The following ACOT11 variants were observed in gnomAD, a reference collection of about 807,000 sequenced individuals.
ACOT11 encodes the protein acyl-CoA thioesterase 11, also known as acyl-coenzyme A thioesterase 11.
A neutral mutation model predicts 77.5 loss-of-function variants in ACOT11; 69 were observed. The observed-to-expected ratio is 0.89, with a 90% CI of 0.73 to 1.09. The LOEUF is 1.09. Among genes scored for constraint, ACOT11 ranks in the 50% least tolerant of loss-of-function variants. The pLI is 0.00. For missense variants in ACOT11, 766 were observed against 813.7 expected, an observed-to-expected ratio of 0.94 and a Z score of 0.71; for synonymous variants, 279 against 313.0, an observed-to-expected ratio of 0.89 and a Z score of 1.15.
chr1:54,548,338 G>T lies in ACOT11; in HGVS notation c.29G>T (p.Arg10Leu), dbSNP rs1402807006. 1 of 1,602,120 alleles carries T rather than the reference G, an allele frequency of 6.2e-7. No homozygotes were observed. MIQNVGNHL[R>L]RGLASVFSNR... ...ATCCAGAATGTCGGAAATCACCTGC[G>T]ACGGGTATGGAGGGTGGGCTGGGGC... Residue 10 changes from arginine (R) to leucine (L), a missense_variant, in exon 1 of 16, where the codon CGA (arginine) becomes CTA (leucine). Arg to Leu is a moderately radical substitution (Grantham distance 102, BLOSUM62 -2). Transcript: ENST00000343744.
intron 3 of ACOT11, among the ~76,000 whole-genome samples, chr1:54,586,313 GC>G (rs3841554): frequency 0.41 from 51,128 of 123,730 alleles, 13,278 homozygotes; most frequent in African/African-American, 0.73. Context: ...CTGTAGGGAG[GC>G]CCCCTAGACA....
intron 3 of ACOT11, among the ~76,000 whole-genome samples, chr1:54,590,267 T>TCTGAA (rs1296583779): frequency 6.6e-6 from 1 of 152,112 alleles, no homozygotes; most frequent in Non-Finnish European, 1.5e-5. Flanking sequence ...ATTAACATGT[T>TCTGAA]CCTCTGTCTC....
downstream of ACOT11, chr1:54,615,006 C>A (rs940514635): frequency 1.2e-5 from 9 of 765,302 alleles, no homozygotes; most frequent in Middle Eastern, 2.7e-4. Context: ...AGCACCACAT[C>A]CCTGCAGGGT....
chr1:54,605,560 C>T (rs1054393754), intron 13 of ACOT11, among the ~76,000 whole-genome samples: 2 of 151,994 alleles, frequency 1.3e-5, no homozygotes, highest in South Asian at 2.1e-4. Context: ...TACTGATTTT[C>T]AAACCATGTG....
chr1:54,604,223 C>T (rs1279903237), intron 11 of ACOT11, 123 bp from the exon 12 acceptor site: 24 of 866,494 alleles, frequency 2.8e-5, no homozygotes, highest in Non-Finnish European at 3.5e-5. Context: ...GCACCTGCCG[C>T]ACCACCCACC....
chr1:54,611,506 C>T (rs1644117867), downstream of ACOT11: 5 of 1,284,872 alleles, frequency 3.9e-6, no homozygotes, highest in South Asian at 1.4e-5. Flanking sequence ...CGGCCTTCCC[C>T]CTTCTGATAT....
exon 17 of ACOT11, chr1:54,637,451 C>G (rs1040824124): frequency 3.3e-5 from 5 of 152,316 alleles, no homozygotes; most frequent in South Asian, 2.1e-4. Flanking sequence ...CCACTGCACT[C>G]CAGCCCAGGC....
In ACOT11 at chr1:54,607,809, C is replaced by T. The variant is rs1403536153; in HGVS notation, c.1503-133C>T. The T allele has an allele frequency of 2.2e-5, 27 of 1,231,614 alleles. No individual in the cohort carries two copies. The highest frequency in any genetic ancestry group is 4.8e-5 in the East Asian group (2 of 41,670). 76.3% of individuals were successfully genotyped at this position (1,231,614 alleles called of 1,614,324 possible). A position where few individuals can be genotyped will look rare whatever the true frequency, so the allele number is the denominator to read the frequency against. On this transcript the variant is annotated intron_variant, in intron 14 of 15. Coordinates refer to ENST00000343744, the MANE Select transcript of ACOT11 (RefSeq NM_147161.4). The surrounding 1 kb of genome is among the most constrained non-coding windows in gnomAD (Gnocchi z 4.5). ...AGCCCCGCATTGGGGCTTTAAGAGT[C>T]GATGTGCCTTGCATCCCCCTGGTGA...
At chr1:54,593,488 A>G (rs1369827041) in intron 4 of ACOT11, among the ~76,000 whole-genome samples, 2 of 135,272 alleles carry the variant, frequency 1.5e-5, no homozygotes, top group Non-Finnish European at 3.1e-5. Context: ...TTGCAGAGAC[A>G]GGGGTCTCAC....
rs368136980 is a variant in ACOT11, at chr1:54,607,120, C to T, written c.1371-14C>T. On this transcript the variant is annotated splice_polypyrimidine_tract_variant and intron_variant, in intron 13 of 15. Transcript: ENST00000343744. This position sits in a 1 kb window ranked among gnomAD's most constrained non-coding sequence, Gnocchi z 4.5. The stretch of plus-strand genomic sequence containing the variant: ...GAAGCTTCCTGGGGCACTGAGATCC[C>T]GGCCTCCCCACAGGAGCGTGGAGCT... The T allele has an allele frequency of 3.1e-5, 50 of 1,613,530 alleles. No homozygotes were observed. Among genetic ancestry groups the T allele is most frequent in the Middle Eastern group, 3.3e-4 (2 of 6,078 alleles).
At chr1:54,576,555 AG>A (rs113194006) in intron 1 of ACOT11, among the ~76,000 whole-genome samples, 17,373 of 148,722 alleles carry the variant, frequency 0.12, 2,459 homozygotes, top group African/African-American at 0.34. Context: ...AGAAACCTTG[AG>A]GTTTTTTTAA....
At chr1:54,612,420 C>A (rs2101015826), downstream of ACOT11, 1 of 1,194,698 alleles carries the variant, frequency 8.4e-7, no homozygotes. Flanking sequence ...CAGCCATGAG[C>A]TTCTGGGATC....
rs149789097 is a variant in ACOT11 at position 54,597,276 on chromosome 1, T to C, written c.625T>C (p.Cys209Arg). 34 of 1,612,904 alleles carry C rather than the reference T, an allele frequency of 2.1e-5. No individual in the cohort carries two copies. Among genetic ancestry groups the C allele is most frequent in the African/African-American group, 6.7e-5 (5 of 74,938 alleles). The stretch of plus-strand genomic sequence containing the variant: ...CTGGTCAGATCTGGAGAGCAGAGAC[T>C]GTAGCCGCATGGTGCCGGCTGAGAA... ...AIQGDLESRD[C>R]SRMVPAEKTR... Residue 209 changes from cysteine to arginine, a missense_variant, in exon 7 of 16, where the codon TGT becomes CGT. By Grantham distance (180) the Cys-to-Arg change is radical. Transcript: ENST00000343744.
In ACOT11 at chr1:54,594,622, C is replaced by T. The variant is rs373508165; in HGVS notation, c.538C>T (p.Arg180Cys). 2.1e-5 allele frequency: 34 copies of T among 1,613,982 alleles called. No homozygotes were observed. The highest frequency in any genetic ancestry group is 4.4e-5 in the South Asian group (4 of 91,074). The change falls in exon 6 of 16, where the codon CGC becomes TGC. Residue 180 changes from arginine to cysteine, a missense_variant. By Grantham distance (180) the Arg-to-Cys change is radical. Coordinates refer to ENST00000343744, the MANE Select transcript of ACOT11 (RefSeq NM_147161.4). Reference sequence around the variant, plus strand: ...GATGGAGCACAGTGTGGCGGCTGAGCGCCGGCGCATGCGCCTTGTCTATGC... The same window carrying T: ...GATGGAGCACAGTGTGGCGGCTGAGTGCCGGCGCATGCGCCTTGTCTATGC... ...EKMEHSVAAE[R>C]RRMRLVYADT...
chr1:54,554,290 A>AGTGTGTGTGTGTGTGTGTGT, intron 1 of ACOT11, among the ~76,000 whole-genome samples: 1 of 108,430 alleles, frequency 9.2e-6, no homozygotes, highest in East Asian at 3.0e-4. Context: ...AGTATTCCAT[A>AGTGTGTGTGTGTGTGTGTGT]GTGTGTGTGT....
rs114030883 is a variant in ACOT11 at position 54,555,363 on chromosome 1, A to C, written c.33+7021A>C. Among the ~76,000 whole-genome samples, 1,276 of 152,262 alleles carry C rather than the reference A, an allele frequency of 8.4e-3. 13 individuals carry two copies. The highest frequency in any genetic ancestry group is 0.024 in the African/African-American group (991 of 41,540). On this transcript the variant is annotated intron_variant, in intron 1 of 15. Coordinates refer to ENST00000343744, the MANE Select transcript of ACOT11 (RefSeq NM_147161.4). The stretch of plus-strand genomic sequence containing the variant: ...TAGTGATGTTGAGCATTTTTTTCAT[A>C]TACCTGGTGGACATTTGTATAGCTT...
chr1:54,605,506 A>G (rs970868055), intron 13 of ACOT11, among the ~76,000 whole-genome samples: 1 of 152,088 alleles, frequency 6.6e-6, no homozygotes, highest in Non-Finnish European at 1.5e-5. Context: ...CTCTCTTCTT[A>G]AAATGGATGC....
chr1:54,597,489 G>T, intron 7 of ACOT11, 74 bp downstream of exon 7: 1 of 1,490,080 alleles, frequency 6.7e-7, no homozygotes. Flanking sequence ...CCCTCTGGAG[G>T]GGAAACCCCA....
intron 1 of ACOT11, chr1:54,582,439 C>T (rs752291021): frequency 1.3e-4 from 126 of 985,204 alleles, no homozygotes; most frequent in Admixed American, 1.8e-4. Context: ...GCCCAGGGCC[C>T]CGTACAGAGG....
Sources: gnomAD v4.1 joint callset for allele counts (sites outside exome capture counted in the v4.1 genomes callset) on GRCh38, gnomAD v4.1.1 for gene constraint, Gnocchi (gnomAD v3.1) non-coding constraint, MANE v1.5 for transcripts, NCBI Gene and HGNC (gene_info 2026-07-23, HGNC 2026-07-21) for gene names.